Variants in EPM2A observed in about 807,000 individuals in gnomAD.
EPM2A encodes EPM2A glucan phosphatase, laforin.
In EPM2A, 21 loss-of-function variants were observed where a neutral mutation model predicts 26.5. The ratio of observed to expected loss-of-function variants is 0.79; its 90% CI spans 0.56 to 1.14. EPM2A has a LOEUF of 1.14. Ranked by LOEUF, EPM2A falls within the 50% of genes most tolerant of loss-of-function variation. The pLI is 0.00. For synonymous variants in EPM2A, 217 were observed against 177.6 expected, an observed-to-expected ratio of 1.22 and a Z score of -1.76; for missense variants, 458 against 440.8, an observed-to-expected ratio of 1.04 and a Z score of -0.35.
At chr6:145,599,458 T>G (rs1781388755) in intron 2 of EPM2A, among the ~76,000 whole-genome samples, 1 of 152,008 alleles carries the variant, frequency 6.6e-6, no homozygotes, top group African/African-American at 2.4e-5. Context: ...TTAACTTTTA[T>G]CTTGCAAGCC....
chr6:145,535,628 A>G (rs1780420962), intron 2 of EPM2A, among the ~76,000 whole-genome samples: 1 of 152,226 alleles, frequency 6.6e-6, no homozygotes, highest in Non-Finnish European at 1.5e-5. Context: ...ATAAGCAAAT[A>G]AGGAACAATA....
At chr6:145,461,991 G>T (rs942244553) in intron 4 of EPM2A, among the ~76,000 whole-genome samples, 3 of 152,184 alleles carry the variant, frequency 2.0e-5, no homozygotes, top group Non-Finnish European at 2.9e-5. Context: ...CAGGAGCCAG[G>T]CTGCTGGATT....
At chr6:145,668,600 T>C (rs1449946825) in intron 2 of EPM2A, among the ~76,000 whole-genome samples, 1 of 152,094 alleles carries the variant, frequency 6.6e-6, no homozygotes. Context: ...CTTGTGAAGA[T>C]ACAATAATTA....
chr6:145,683,441 T>G (rs1780696422), intron 2 of EPM2A, among the ~76,000 whole-genome samples: 1 of 151,458 alleles, frequency 6.6e-6, no homozygotes, highest in Non-Finnish European at 1.5e-5. Flanking sequence ...TAGATATATT[T>G]ACACCTTGCA....
At chr6:145,451,639 T>C (rs1298846494) in intron 4 of EPM2A, among the ~76,000 whole-genome samples, 2 of 152,224 alleles carry the variant, frequency 1.3e-5, no homozygotes, top group East Asian at 1.9e-4. Flanking sequence ...GGACATTAAA[T>C]AGAATTGTAA....
chr6:145,556,683 C>T (rs923146352), intron 2 of EPM2A, among the ~76,000 whole-genome samples: 1 of 152,102 alleles, frequency 6.6e-6, no homozygotes, highest in Non-Finnish European at 1.5e-5. Flanking sequence ...AAGTGCTCAG[C>T]TCATCTTTTT....
intron 4 of EPM2A, among the ~76,000 whole-genome samples, chr6:145,408,587 C>G (rs1419003189): frequency 6.6e-6 from 1 of 152,150 alleles, no homozygotes; most frequent in Admixed American, 6.5e-5. Context: ...AGTGGGCCTT[C>G]TCATCCTACC....
intron 2 of EPM2A, among the ~76,000 whole-genome samples, chr6:145,512,987 G>A (rs1228256620): frequency 6.6e-6 from 1 of 151,990 alleles, no homozygotes; most frequent in Non-Finnish European, 1.5e-5. Flanking sequence ...AAACTCTTCT[G>A]GACATCGGCC....
chr6:145,518,621 A>C (rs1263895326), intron 2 of EPM2A, among the ~76,000 whole-genome samples: 3 of 146,526 alleles, frequency 2.0e-5, no homozygotes, highest in Admixed American at 6.8e-5. Flanking sequence ...AAAAAAAAAA[A>C]AACAAAGAGG....
chr6:145,408,601 T>A (rs2114673057), intron 4 of EPM2A, among the ~76,000 whole-genome samples: 1 of 152,274 alleles, frequency 6.6e-6, no homozygotes, highest in East Asian at 1.9e-4. Context: ...TCCTACCTCA[T>A]CCCAGTTAAG....
Position 145,392,558 on chromosome 6 carries a change from C to T in EPM2A, c.556-8461G>A, listed in dbSNP as rs1164301994. Among the ~76,000 whole-genome samples, 5 of 152,112 alleles carry T rather than the reference C, an allele frequency of 3.3e-5. 1 individual carries two copies. In the South Asian group the frequency reaches 6.2e-4, roughly 19 times the overall value. ...TCCTTTCCACACCCCTCCAACCCTT[C>T]TCCTTGCCCCCTTACAAGTTGCTCA... On this transcript the variant is annotated intron_variant, in intron 4 of 4. Coordinates refer to the EPM2A transcript ENST00000638717.
intron 2 of EPM2A, among the ~76,000 whole-genome samples, chr6:145,560,795 G>T (rs1187409852): frequency 6.6e-6 from 1 of 152,064 alleles, no homozygotes; most frequent in African/African-American, 2.4e-5. Flanking sequence ...ATGCCATATA[G>T]CTCCCTATCC....
At chr6:145,402,936 C>T (rs748089585) in intron 4 of EPM2A, among the ~76,000 whole-genome samples, 8 of 152,134 alleles carry the variant, frequency 5.3e-5, no homozygotes, top group Non-Finnish European at 8.8e-5. Context: ...AATTTTAATG[C>T]TAAATTACTC....
Position 145,410,950 on chromosome 6 carries a change from T to C in EPM2A, c.556-26853A>G, listed in dbSNP as rs907789484. Among the ~76,000 whole-genome samples, 33 of 152,202 alleles carry C rather than the reference T, an allele frequency of 2.2e-4. 1 individual carries two copies. Among genetic ancestry groups the C allele is most frequent in the Non-Finnish European group, 2.9e-5 (2 of 68,036 alleles). On this transcript the variant is annotated intron_variant, in intron 4 of 4. Transcript: ENST00000638717. ...GTATATTTCACACAGCTTTAGCAGATGACCTGACCAGTTTTCTCTAATAAC... is the reference window on the plus strand; with the variant it reads ...GTATATTTCACACAGCTTTAGCAGACGACCTGACCAGTTTTCTCTAATAAC...
chr6:145,488,777 C>A (rs1397881051), intron 4 of EPM2A, among the ~76,000 whole-genome samples: 2 of 151,436 alleles, frequency 1.3e-5, no homozygotes, highest in African/African-American at 2.4e-5. Flanking sequence ...ATCTTTTTTT[C>A]ATCTGGTAGT....
chr6:145,548,049 C>T (rs915576247), intron 2 of EPM2A, among the ~76,000 whole-genome samples: 3 of 152,050 alleles, frequency 2.0e-5, no homozygotes, highest in Non-Finnish European at 2.9e-5. Flanking sequence ...TTTCCTGCTT[C>T]GGCTCCAGAT....
intron 1 of EPM2A, among the ~76,000 whole-genome samples, chr6:145,700,929 A>G (rs1007491265): frequency 9.2e-5 from 14 of 152,150 alleles, no homozygotes; most frequent in African/African-American, 3.1e-4. Context: ...TCCATGGCAA[A>G]AATATTTTAC....
At chr6:145,639,238 G>T (rs1776908302) in intron 2 of EPM2A, 1 of 152,156 alleles carries the variant, frequency 6.6e-6, no homozygotes. Flanking sequence ...GAACTCAAGA[G>T]ATTTCTGGCA....
At chr6:145,448,884 T>C (rs571445997) in intron 4 of EPM2A, among the ~76,000 whole-genome samples, 1 of 152,344 alleles carries the variant, frequency 6.6e-6, no homozygotes, top group East Asian at 1.9e-4. Context: ...GTTGTTTAAC[T>C]TATGAGTTAC....
Sources: allele counts gnomAD v4.1 joint callset (sites outside exome capture counted in the v4.1 genomes callset), GRCh38; gene constraint gnomAD v4.1.1; transcripts MANE v1.5; gene names NCBI Gene and HGNC (gene_info 2026-07-23, HGNC 2026-07-21).